The following BLTP1 variants were observed in gnomAD, a reference collection of about 807,000 sequenced individuals.
The protein encoded by BLTP1 is bridge-like lipid transfer protein family member 1, also known as fragile site-associated protein.
At chr4:122,287,442 G>A in the BLTP1 span, 6 of 226,222 alleles carry the variant, frequency 2.7e-5, no homozygotes, top group Non-Finnish European at 4.4e-5. Flanking sequence ...TTGAAGCGGA[G>A]AAGTAAACAC....
chr4:122,255,079 T>G, the BLTP1 span: 2 of 1,542,192 alleles, frequency 1.3e-6, no homozygotes, highest in Non-Finnish European at 1.8e-6. Context: ...CTTTTATTTG[T>G]AGGCTCTTTC....
At chr4:122,161,692 T>C in the BLTP1 span, among the ~76,000 whole-genome samples, 8 of 152,172 alleles carry the variant, frequency 5.3e-5, no homozygotes, top group Non-Finnish European at 7.4e-5. Flanking sequence ...CCCAAAGTGC[T>C]GGGATTACAG....
the BLTP1 span, chr4:122,261,973 C>T: frequency 9.2e-5 from 91 of 985,300 alleles, no homozygotes; most frequent in African/African-American, 8.7e-4. Flanking sequence ...GTATCCATTG[C>T]GTCAACATTT....
At chr4:122,235,695 C>T in the BLTP1 span, 19 of 153,210 alleles carry the variant, frequency 1.2e-4, no homozygotes, top group Non-Finnish European at 8.7e-5. Context: ...GTCCCAGCTA[C>T]TCGGGAGGCT....
At chr4:122,214,651 G>GT in the BLTP1 span, 1 of 398,192 alleles carries the variant, frequency 2.5e-6, no homozygotes, top group African/African-American at 3.2e-5. Flanking sequence ...TTGAGACAGG[G>GT]TCTCACTTTG....
chr4:122,209,381 A>G, the BLTP1 span: 1 of 1,594,642 alleles, frequency 6.3e-7, no homozygotes, highest in Non-Finnish European at 8.6e-7. Context: ...ACAGTGGCTC[A>G]CGCCTGTAAT....
At chr4:122,203,696 A>G in the BLTP1 span, 3 of 203,612 alleles carry the variant, frequency 1.5e-5, no homozygotes, top group Non-Finnish European at 2.6e-5. Flanking sequence ...TGTCACCATA[A>G]TTTTTAATAT....
the BLTP1 span, chr4:122,290,812 T>TACACACACACACACAC: frequency 3.2e-5 from 3 of 92,586 alleles, no homozygotes; most frequent in African/African-American, 1.3e-4. Flanking sequence ...AAAAAAAATA[T>TACACACACACACACAC]ACACACACAC....
chr4:122,214,321 A>T, the BLTP1 span: 614 of 923,570 alleles, frequency 6.6e-4, no homozygotes, highest in Non-Finnish European at 7.7e-4. Context: ...GTAAATTGAA[A>T]TGTAGTTTAT....
At chr4:122,252,175 G>T in the BLTP1 span, among the ~76,000 whole-genome samples, 2 of 152,166 alleles carry the variant, frequency 1.3e-5, no homozygotes, top group African/African-American at 4.8e-5. Flanking sequence ...CATGGGCCTT[G>T]GGTGACCCTC....
the BLTP1 span, chr4:122,200,384 C>T: frequency 1.6e-6 from 1 of 633,198 alleles, no homozygotes. Context: ...TCGAGACCAG[C>T]CTGACCAATA....
chr4:122,358,401 G>C, the BLTP1 span, among the ~76,000 whole-genome samples: 1 of 152,294 alleles, frequency 6.6e-6, no homozygotes, highest in East Asian at 1.9e-4. Context: ...AATGGGAAAA[G>C]GGGGTGGATT....
At chr4:122,299,059 C>A in the BLTP1 span, 1 of 984,196 alleles carries the variant, frequency 1.0e-6, no homozygotes, top group African/African-American at 1.8e-5. Flanking sequence ...CTAGGATCCA[C>A]ATATATATGG....
chr4:122,198,187 T>G, the BLTP1 span: 1 of 973,956 alleles, frequency 1.0e-6, no homozygotes, highest in South Asian at 4.7e-5. Context: ...AAAAAGTGAC[T>G]GTGAATGGCA....
chr4:122,339,792 C>T, the BLTP1 span, among the ~76,000 whole-genome samples: 1 of 152,120 alleles, frequency 6.6e-6, no homozygotes, highest in Non-Finnish European at 1.5e-5. Flanking sequence ...AAATAAGAAA[C>T]ATAGTGTTAC....
At chr4:122,323,851 C>T in the BLTP1 span, among the ~76,000 whole-genome samples, 1 of 152,024 alleles carries the variant, frequency 6.6e-6, no homozygotes, top group East Asian at 1.9e-4. Flanking sequence ...TAACACATCT[C>T]ATTCCACATA....
chr4:122,179,293 A>G, the BLTP1 span, among the ~76,000 whole-genome samples: 1 of 152,134 alleles, frequency 6.6e-6, no homozygotes, highest in Non-Finnish European at 1.5e-5. Flanking sequence ...AAATAAATAA[A>G]TAGATAAATG....
the BLTP1 span, among the ~76,000 whole-genome samples, chr4:122,284,770 C>A: frequency 5.9e-5 from 9 of 152,114 alleles, no homozygotes; most frequent in Non-Finnish European, 1.2e-4. Flanking sequence ...TGTTATTAAT[C>A]TCTTGTTGTG....
the BLTP1 span, chr4:122,261,449 T>C: frequency 2.0e-6 from 2 of 984,782 alleles, no homozygotes; most frequent in Non-Finnish European, 2.4e-6. Context: ...TTTGCCTGTG[T>C]AGTCTTTTTT....
Sources: allele counts gnomAD v4.1 joint callset (sites outside exome capture counted in the v4.1 genomes callset), GRCh38; gene constraint gnomAD v4.1.1; transcripts MANE v1.5; gene names NCBI Gene and HGNC (gene_info 2026-07-23, HGNC 2026-07-21).